The following KCNT2 variants were observed in gnomAD, a reference collection of about 807,000 sequenced individuals.
KCNT2 encodes the protein potassium channel subfamily T member 2.
KCNT2 carries 67 observed loss-of-function variants against 153.8 expected under a neutral mutation model. That is an observed-to-expected ratio of 0.44 (90% confidence interval 0.36 to 0.53). The LOEUF (loss-of-function observed/expected upper bound fraction) is 0.53. KCNT2 is among the 20% of genes least tolerant of loss of function. The pLI is 0.00. For missense variants in KCNT2, 975 were observed against 1,354.8 expected, an observed-to-expected ratio of 0.72 and a Z score of 4.40; for synonymous variants, 500 against 458.8, an observed-to-expected ratio of 1.09 and a Z score of -1.15.
chr1:196,470,564 T>G (rs1371369607), intron 5 of KCNT2, among the ~76,000 whole-genome samples: 2 of 152,042 alleles, frequency 1.3e-5, no homozygotes, highest in Admixed American at 6.6e-5. Context: ...TCCAGGAAAT[T>G]CAAAGGCTCC....
intron 14 of KCNT2, among the ~76,000 whole-genome samples, chr1:196,354,087 G>T (rs1280125619): frequency 6.6e-6 from 1 of 151,818 alleles, no homozygotes; most frequent in East Asian, 1.9e-4. Flanking sequence ...CATATTAATA[G>T]ATGTTAGAAA....
At chr1:196,389,338 G>A (rs80347592) in intron 13 of KCNT2, among the ~76,000 whole-genome samples, 8,794 of 151,484 alleles carry the variant, frequency 0.058, 392 homozygotes, top group Non-Finnish European at 0.085. Flanking sequence ...AAATAATGCC[G>A]GCCTTACAAA....
intron 1 of KCNT2, among the ~76,000 whole-genome samples, chr1:196,562,459 AG>A (rs1659539939): frequency 6.6e-6 from 1 of 151,894 alleles, no homozygotes; most frequent in African/African-American, 2.4e-5. Flanking sequence ...GGCCAAGAGG[AG>A]GGGTCCATTC....
At chr1:196,310,765 T>C (rs185082676) in intron 21 of KCNT2, among the ~76,000 whole-genome samples, 110 of 152,078 alleles carry the variant, frequency 7.2e-4, no homozygotes, top group Admixed American at 3.6e-3. Context: ...ACCCACTCTT[T>C]CTTTTCCTGA....
intron 25 of KCNT2, among the ~76,000 whole-genome samples, chr1:196,271,201 T>C (rs543393446): frequency 6.6e-6 from 1 of 152,170 alleles, no homozygotes; most frequent in South Asian, 2.1e-4. Context: ...CAAATATTTG[T>C]ATTCTTATGT....
intron 23 of KCNT2, among the ~76,000 whole-genome samples, chr1:196,282,823 A>G (rs1458809655): frequency 6.6e-6 from 1 of 152,180 alleles, no homozygotes; most frequent in Non-Finnish European, 1.5e-5. Flanking sequence ...ACAACACTTC[A>G]TGATAAAATA....
chr1:196,604,252 C>G (rs906094469), intron 1 of KCNT2, among the ~76,000 whole-genome samples: 4 of 152,168 alleles, frequency 2.6e-5, no homozygotes, highest in Non-Finnish European at 5.9e-5. Context: ...TGTCAATATT[C>G]TGAGGTGAAT....
intron 14 of KCNT2, among the ~76,000 whole-genome samples, chr1:196,361,092 T>C (rs1667578937): frequency 1.3e-5 from 2 of 152,000 alleles, no homozygotes; most frequent in South Asian, 4.1e-4. Flanking sequence ...ACATAGTTAG[T>C]TGAACAGCAG....
intron 26 of KCNT2, among the ~76,000 whole-genome samples, chr1:196,236,452 G>T (rs959909558): frequency 6.6e-6 from 1 of 151,336 alleles, no homozygotes; most frequent in African/African-American, 2.4e-5. Context: ...TCCTAGAAAA[G>T]AATATCCACA....
intron 22 of KCNT2, among the ~76,000 whole-genome samples, chr1:196,299,913 G>A (rs565984637): frequency 5.3e-5 from 8 of 152,230 alleles, no homozygotes; most frequent in Admixed American, 2.0e-4. Context: ...GGAATATTAT[G>A]GATCTGTAAA....
At chr1:196,436,670 T>C (rs973959263) in intron 8 of KCNT2, among the ~76,000 whole-genome samples, 1 of 151,160 alleles carries the variant, frequency 6.6e-6, no homozygotes, top group African/African-American at 2.4e-5. Context: ...TCATCAAAAT[T>C]AATGAATTTT....
chr1:196,574,987 A>T (rs972417415), intron 1 of KCNT2, among the ~76,000 whole-genome samples: 4 of 152,054 alleles, frequency 2.6e-5, no homozygotes, highest in African/African-American at 9.6e-5. Flanking sequence ...TATATTATTT[A>T]GTAATTTATA....
chr1:196,528,511 C>G (rs937492035), intron 1 of KCNT2, among the ~76,000 whole-genome samples: 2 of 152,018 alleles, frequency 1.3e-5, no homozygotes, highest in African/African-American at 4.8e-5. Flanking sequence ...GATATCTAAG[C>G]CAAAGAAGGT....
chr1:196,236,830 G>C (rs1348163092), intron 26 of KCNT2, among the ~76,000 whole-genome samples: 1 of 151,486 alleles, frequency 6.6e-6, no homozygotes, highest in Non-Finnish European at 1.5e-5. Flanking sequence ...AAGGCAAACA[G>C]CTTTGTGGTC....
intron 1 of KCNT2, among the ~76,000 whole-genome samples, chr1:196,564,142 T>C (rs1429066480): frequency 6.6e-6 from 1 of 151,782 alleles, no homozygotes; most frequent in Non-Finnish European, 1.5e-5. Context: ...CTGAAAGAAC[T>C]CAGAACTAAT....
intron 1 of KCNT2, among the ~76,000 whole-genome samples, chr1:196,528,036 C>A (rs1001290612): frequency 7.2e-5 from 11 of 152,178 alleles, no homozygotes; most frequent in African/African-American, 2.4e-4. Context: ...TAACAATCTC[C>A]ACAATCAGTG....
At chr1:196,518,346 C>A (rs1466855105) in intron 1 of KCNT2, among the ~76,000 whole-genome samples, 1 of 151,734 alleles carries the variant, frequency 6.6e-6, no homozygotes, top group Admixed American at 6.6e-5. Context: ...ACAAAACAAC[C>A]ACACAAAAAA....
Position 196,438,675 on chromosome 1 carries a change from A to C in KCNT2, c.639-8918T>G, listed in dbSNP as rs113437927. Among the ~76,000 whole-genome samples, 571 of 151,834 alleles carry C rather than the reference A, an allele frequency of 3.8e-3. 1 individual carries two copies. Among genetic ancestry groups the C allele is most frequent in the African/African-American group, 0.013 (536 of 41,534 alleles). On this transcript the variant is annotated intron_variant, in intron 8 of 27. Transcript: ENST00000294725. ...ACTATTTCAGTGCCAGTATGTCAACATCAGGCTAGTGACTTGTTTTAAAGG... is the reference window on the plus strand; with the variant it reads ...ACTATTTCAGTGCCAGTATGTCAACCTCAGGCTAGTGACTTGTTTTAAAGG...
At chr1:196,242,622 T>A (rs1350813732) in intron 26 of KCNT2, among the ~76,000 whole-genome samples, 1 of 152,194 alleles carries the variant, frequency 6.6e-6, no homozygotes, top group Non-Finnish European at 1.5e-5. Flanking sequence ...ATTCATTATT[T>A]TTGTGTTCGA....
Sources: gnomAD v4.1 joint callset for allele counts (sites outside exome capture counted in the v4.1 genomes callset) on GRCh38, gnomAD v4.1.1 for gene constraint, MANE v1.5 for transcripts, NCBI Gene and HGNC (gene_info 2026-07-23, HGNC 2026-07-21) for gene names.